KIF26B: variants seen among roughly 807,000 people sequenced by gnomAD.
The protein encoded by KIF26B is kinesin family member 26B, also known as kinesin-like protein KIF26B.
A neutral mutation model predicts 151.2 loss-of-function variants in KIF26B; 63 were observed. The observed-to-expected ratio is 0.42, with a 90% confidence interval of 0.34 to 0.51. The LOEUF is 0.51. Among genes scored for constraint, KIF26B ranks in the 20% least tolerant of loss-of-function variants. The pLI is 0.07. For missense variants in KIF26B, 2,813 were observed against 2,913.6 expected, an observed-to-expected ratio of 0.97 and a Z score of 0.79; for synonymous variants, 1,357 against 1,262.1, an observed-to-expected ratio of 1.08 and a Z score of -1.59.
At chr1:245,266,837 G>A (rs1003306672) in intron 2 of KIF26B, among the ~76,000 whole-genome samples, 1 of 152,112 alleles carries the variant, frequency 6.6e-6, no homozygotes, top group African/African-American at 2.4e-5. Context: ...GTGCCCCTGA[G>A]CCTATGACTT....
At chr1:245,175,872 T>C (rs1668793482) in intron 2 of KIF26B, among the ~76,000 whole-genome samples, 1 of 150,856 alleles carries the variant, frequency 6.6e-6, no homozygotes, top group Non-Finnish European at 1.5e-5. Context: ...GTTTATTCCC[T>C]GTGAGACACT....
intron 5 of KIF26B, among the ~76,000 whole-genome samples, chr1:245,581,787 C>T (rs2103129855): frequency 6.6e-6 from 1 of 152,210 alleles, no homozygotes; most frequent in South Asian, 2.1e-4. Context: ...TGTGGTAGCT[C>T]ATGCCTGTAA....
chr1:245,501,549 C>G (rs930958002), intron 4 of KIF26B, among the ~76,000 whole-genome samples: 1 of 152,146 alleles, frequency 6.6e-6, no homozygotes, highest in African/African-American at 2.4e-5. Context: ...GATGATAATC[C>G]TGCTTTAGAA....
At position 245,375,113 on chromosome 1, in the gene KIF26B, G is replaced by A. The variant is rs139405707; in HGVS notation, c.999+7746G>A. ...TTTTATTATTATTTTTTGAGACGGC[G>A]TCTCACTCTGCCACCCAGGCTGGAG... On this transcript the variant is annotated intron_variant, in intron 3 of 14. Coordinates refer to ENST00000407071, the MANE Select transcript of KIF26B (RefSeq NM_018012.4). The surrounding 1 kb of genome is among the most constrained non-coding windows in gnomAD (Gnocchi z 4.2). 4.7e-4 allele frequency among the ~76,000 whole-genome samples: 72 copies of A among 152,208 alleles called. 1 individual carries two copies. Among genetic ancestry groups the A allele is most frequent in the African/African-American group, 1.5e-3 (62 of 41,538 alleles).
chr1:245,439,273 G>C (rs1042797853), intron 4 of KIF26B, among the ~76,000 whole-genome samples: 3 of 149,564 alleles, frequency 2.0e-5, no homozygotes, highest in African/African-American at 7.4e-5. Flanking sequence ...ATTGAGCCCA[G>C]GAGGTTAAGG....
chr1:245,533,477 C>A (rs1250385371), intron 4 of KIF26B, among the ~76,000 whole-genome samples: 1 of 152,122 alleles, frequency 6.6e-6, no homozygotes, highest in Non-Finnish European at 1.5e-5. Context: ...ACCCCTCAGA[C>A]AAGATGAAAT....
At chr1:245,222,358 AC>A (rs1478093731) in intron 2 of KIF26B, among the ~76,000 whole-genome samples, 1 of 151,998 alleles carries the variant, frequency 6.6e-6, no homozygotes, top group East Asian at 1.9e-4. Flanking sequence ...AATCGCTTAA[AC>A]CCGGGAGGCG....
At chr1:245,165,000 G>A (rs1573682117) in intron 2 of KIF26B, among the ~76,000 whole-genome samples, 1 of 152,248 alleles carries the variant, frequency 6.6e-6, no homozygotes, top group Middle Eastern at 3.4e-3. Context: ...GAGCCCGGGA[G>A]GCGGAGGTTG....
chr1:245,327,377 C>A (rs555947853), intron 2 of KIF26B, among the ~76,000 whole-genome samples: 1 of 152,234 alleles, frequency 6.6e-6, no homozygotes, highest in East Asian at 1.9e-4. Flanking sequence ...TAAGTGGCAG[C>A]AGACCTTACT....
chr1:245,343,099 A>AG (rs1572013792), intron 2 of KIF26B, among the ~76,000 whole-genome samples: 1 of 151,622 alleles, frequency 6.6e-6, no homozygotes, highest in East Asian at 1.9e-4. Flanking sequence ...AAAAAAAAAA[A>AG]AGAATTTAGA....
intron 2 of KIF26B, among the ~76,000 whole-genome samples, chr1:245,332,663 T>C (rs1453276781): frequency 6.6e-6 from 1 of 152,194 alleles, no homozygotes; most frequent in African/African-American, 2.4e-5. Flanking sequence ...TGGTTTTCAC[T>C]CAGGGTGGTG....
At chr1:245,539,684 A>T (rs1197707007) in intron 4 of KIF26B, among the ~76,000 whole-genome samples, 1 of 151,902 alleles carries the variant, frequency 6.6e-6, no homozygotes, top group African/African-American at 2.4e-5. Flanking sequence ...ACGGAGTCTC[A>T]CTCTGTCACC....
chr1:245,391,783 A>T (rs1673708077), intron 3 of KIF26B, among the ~76,000 whole-genome samples: 1 of 152,134 alleles, frequency 6.6e-6, no homozygotes, highest in South Asian at 2.1e-4. Flanking sequence ...TGATGGGTTT[A>T]TTATTTTAAA....
At position 245,280,607 on chromosome 1, in the gene KIF26B, T is replaced by TTTG. The variant is rs1553341060; in HGVS notation, c.466-86225_466-86224insGTT. ...CCTTGGGAAGTTTTCGTTTTTTTTT[T>TTTG]TTTTTTTTTTTTATACTTTAAGTTT... On this transcript the variant is annotated intron_variant, in intron 2 of 14. Coordinates refer to ENST00000407071, the MANE Select transcript of KIF26B (RefSeq NM_018012.4). Among the ~76,000 whole-genome samples the TTTG allele has an allele frequency of 8.4e-3, 1,231 of 146,794 alleles. 20 individuals are homozygous for TTTG. Among genetic ancestry groups the TTTG allele is most frequent in the African/African-American group, 0.03 (1,185 of 39,510 alleles).
chr1:245,620,398 TA>T (rs1176703308), intron 9 of KIF26B, among the ~76,000 whole-genome samples: 34 of 142,812 alleles, frequency 2.4e-4, no homozygotes, highest in Admixed American at 1.6e-3. Flanking sequence ...TCAACATCGT[TA>T]AAAAAAATTT....
intron 5 of KIF26B, among the ~76,000 whole-genome samples, chr1:245,542,655 AT>A (rs1468273951): frequency 1.3e-5 from 2 of 152,146 alleles, no homozygotes; most frequent in East Asian, 3.9e-4. Flanking sequence ...CACGGGTGTG[AT>A]CGTGGATGGT....
chr1:245,305,263 G>A (rs1198646444), intron 2 of KIF26B, among the ~76,000 whole-genome samples: 8 of 152,146 alleles, frequency 5.3e-5, no homozygotes, highest in Non-Finnish European at 1.0e-4. Flanking sequence ...AAAATGGAAA[G>A]CTTTTTTTGT....
At chr1:245,535,541 C>G (rs1330796392) in intron 4 of KIF26B, among the ~76,000 whole-genome samples, 1 of 152,144 alleles carries the variant, frequency 6.6e-6, no homozygotes, top group African/African-American at 2.4e-5. Flanking sequence ...GCACGCATCC[C>G]TCTCCCTCGT....
intron 2 of KIF26B, among the ~76,000 whole-genome samples, chr1:245,188,596 CAT>C (rs1558338714): frequency 6.6e-6 from 1 of 152,132 alleles, no homozygotes; most frequent in Non-Finnish European, 1.5e-5. Flanking sequence ...TAAAACTGAA[CAT>C]GTGTGTGTTG....
Sources: allele counts gnomAD v4.1 joint callset (sites outside exome capture counted in the v4.1 genomes callset), GRCh38; gene constraint gnomAD v4.1.1; non-coding constraint Gnocchi (gnomAD v3.1); transcripts MANE v1.5; gene names NCBI Gene and HGNC (gene_info 2026-07-23, HGNC 2026-07-21).